Variants in CAMTA1 observed in about 807,000 individuals in gnomAD.
CAMTA1 encodes calmodulin-binding transcription activator 1.
In CAMTA1, 27 loss-of-function variants were observed where a neutral mutation model predicts 170.9. That is an observed-to-expected ratio of 0.16 (90% CI 0.12 to 0.22). The LOEUF (loss-of-function observed/expected upper bound fraction) is 0.22, where lower values mean the gene tolerates loss of function less well. CAMTA1 is among the 10% of genes least tolerant of loss of function. CAMTA1 has a pLI of 1.00. For missense variants in CAMTA1, 1,619 were observed against 2,217.2 expected (o/e 0.73, Z 5.42); for synonymous variants, 833 against 891.5 (o/e 0.93, Z 1.17).
At chr1:7,591,621 T>A (rs1446690741) in intron 6 of CAMTA1, among the ~76,000 whole-genome samples, 1 of 152,200 alleles carries the variant, frequency 6.6e-6, no homozygotes, top group East Asian at 1.9e-4. Context: ...GGAGGGTCAG[T>A]GGCCACTAGA....
chr1:7,699,281 T>A (rs1052419279), intron 11 of CAMTA1, among the ~76,000 whole-genome samples: 1 of 152,050 alleles, frequency 6.6e-6, no homozygotes, highest in Non-Finnish European at 1.5e-5. Flanking sequence ...TCCCCATTCC[T>A]CCTCAGCTCC....
intron 5 of CAMTA1, among the ~76,000 whole-genome samples, chr1:7,434,068 G>A (rs2092269341): frequency 6.6e-6 from 1 of 151,942 alleles, no homozygotes; most frequent in African/African-American, 2.4e-5. Flanking sequence ...CTCCTGGAGA[G>A]TCCCTCCCCC....
chr1:7,232,721 C>T (rs1198371977), intron 4 of CAMTA1, among the ~76,000 whole-genome samples: 1 of 152,120 alleles, frequency 6.6e-6, no homozygotes, highest in Non-Finnish European at 1.5e-5. Flanking sequence ...GTGGCAGCTA[C>T]TCTCCGCCCA....
intron 3 of CAMTA1, among the ~76,000 whole-genome samples, chr1:6,846,668 A>C (rs555911998): frequency 1.3e-5 from 2 of 152,264 alleles, no homozygotes; most frequent in Non-Finnish European, 2.9e-5. Context: ...AATAATAAAG[A>C]ATCATTAGTA....
intron 3 of CAMTA1, among the ~76,000 whole-genome samples, chr1:6,945,477 T>A (rs1687414718): frequency 6.6e-6 from 1 of 152,062 alleles, no homozygotes; most frequent in Admixed American, 6.6e-5. Flanking sequence ...GCCTCCCAAG[T>A]AGCTGGGACC....
At chr1:7,655,531 CATACACACTGAT>C (rs1169144638) in intron 7 of CAMTA1, among the ~76,000 whole-genome samples, 1 of 149,234 alleles carries the variant, frequency 6.7e-6, no homozygotes, top group Non-Finnish European at 1.5e-5. Context: ...CACCCACACA[CATACACACTGAT>C]ATGCACACCT....
chr1:7,640,230 G>A (rs1002926293), intron 6 of CAMTA1, among the ~76,000 whole-genome samples, 170 bp from the exon 7 acceptor site: 6 of 152,128 alleles, frequency 3.9e-5, no homozygotes, highest in Admixed American at 2.6e-4. Flanking sequence ...CACATGCGCC[G>A]GACAGCCCCC....
At chr1:7,122,736 C>T (rs1644717436) in intron 4 of CAMTA1, among the ~76,000 whole-genome samples, 1 of 152,134 alleles carries the variant, frequency 6.6e-6, no homozygotes, top group African/African-American at 2.4e-5. Flanking sequence ...TGCAAGGCCG[C>T]CCCACCCTGC....
Position 7,663,895 on chromosome 1 carries a change from T to A in CAMTA1, c.1348T>A (p.Ser450Thr), listed in dbSNP as rs746244933. ...GTTCGCCTTTCCCACCACGGGCAGC[T>A]CGGAGAGCCTGTCCATGCTGCCCAC... is the stretch of plus-strand genomic sequence containing the variant. ...HKFAFPTTGS[S>T]ESLSMLPTNV... Residue 450 changes from serine to threonine, a missense_variant, in exon 9 of 23, where the codon TCG becomes ACG. By Grantham distance (58) the Ser-to-Thr change is moderately conservative. Transcript: ENST00000303635. 5 of 1,613,906 alleles carry A rather than the reference T, an allele frequency of 3.1e-6. No homozygotes were observed. The South Asian group carries it at 5.5e-5, about 18-fold the overall frequency.
intron 12 of CAMTA1, among the ~76,000 whole-genome samples, chr1:7,733,225 A>G (rs1425501292): frequency 2.0e-5 from 3 of 152,090 alleles, no homozygotes; most frequent in African/African-American, 4.8e-5. Context: ...AGAAAAAAAA[A>G]GGCCAGATGG....
At chr1:7,062,333 A>C (rs2101767168) in intron 3 of CAMTA1, among the ~76,000 whole-genome samples, 1 of 152,334 alleles carries the variant, frequency 6.6e-6, no homozygotes, top group East Asian at 1.9e-4. Context: ...TTTAGGGTAA[A>C]TTATAAGGAA....
rs1030455812 is a variant in CAMTA1 at position 7,681,204 on chromosome 1, A to C, written c.2914+3471A>C. Reference sequence around the variant, plus strand: ...CAAAGGCCCTGTCTGCTGGACCCCCATCACTTAGCCCAGGGTTGGCACGTG... The same window carrying C: ...CAAAGGCCCTGTCTGCTGGACCCCCCTCACTTAGCCCAGGGTTGGCACGTG... On this transcript the variant is annotated intron_variant, in intron 11 of 22. Coordinates refer to ENST00000303635, the MANE Select transcript of CAMTA1 (RefSeq NM_015215.4). This position sits in a 1 kb window ranked among gnomAD's most constrained non-coding sequence, Gnocchi z 4.6. 5.9e-5 allele frequency among the ~76,000 whole-genome samples: 9 copies of C among 152,070 alleles called. No homozygotes were observed. Among genetic ancestry groups the C allele is most frequent in the African/African-American group, 2.2e-4 (9 of 41,428 alleles).
At chr1:7,744,393 A>G (rs1281084650) in intron 16 of CAMTA1, among the ~76,000 whole-genome samples, 1 of 152,180 alleles carries the variant, frequency 6.6e-6, no homozygotes, top group Admixed American at 6.5e-5. Flanking sequence ...CGGCCTCCCA[A>G]AGTGCTGGGA....
rs562340871 is a variant in CAMTA1, at chr1:7,373,238, C to T, written c.439-94592C>T. Among the ~76,000 whole-genome samples the T allele has an allele frequency of 2.5e-4, 38 of 152,164 alleles. 1 individual carries two copies. The highest frequency in any genetic ancestry group is 3.9e-4 in the African/African-American group (16 of 41,434). On this transcript the variant is annotated intron_variant, in intron 5 of 22. Transcript: ENST00000303635. The stretch of plus-strand genomic sequence containing the variant: ...GGAGTATTTCTACCCAGTAGTACCC[C>T]GTCTCTGCCAGTCGTGACTGCTAAG...
chr1:7,645,872 C>T (rs1438628461), intron 7 of CAMTA1, among the ~76,000 whole-genome samples: 2 of 152,264 alleles, frequency 1.3e-5, no homozygotes, highest in African/African-American at 4.8e-5. Context: ...TCCACAGGCA[C>T]GAGTGTGTGG....
chr1:7,207,758 G>T (rs774468251), intron 4 of CAMTA1, among the ~76,000 whole-genome samples: 3 of 152,046 alleles, frequency 2.0e-5, no homozygotes, highest in Non-Finnish European at 4.4e-5. Context: ...CTGGTATCTT[G>T]TGGATCCAAG....
intron 5 of CAMTA1, among the ~76,000 whole-genome samples, chr1:7,392,374 G>C (rs2088816621): frequency 6.6e-6 from 1 of 151,198 alleles, no homozygotes; most frequent in Non-Finnish European, 1.5e-5. Flanking sequence ...TCCTGCCTCA[G>C]CCTCAGGAGT....
chr1:7,561,867 G>A lies in CAMTA1; in HGVS notation c.511-78533G>A, dbSNP rs1291702120. On this transcript the variant is annotated intron_variant, in intron 6 of 22. Transcript: ENST00000303635. The surrounding 1 kb of genome is among the most constrained non-coding windows in gnomAD (Gnocchi z 5.3). ...TCCCTGCCTGCACGCCGGCCTGGAG[G>A]AGGAAGCCATCCTCGAGGCAGCCTT... Among the ~76,000 whole-genome samples the A allele has an allele frequency of 1.3e-5, 2 of 152,158 alleles. No homozygotes were observed. The highest frequency in any genetic ancestry group is 4.8e-5 in the African/African-American group (2 of 41,432).
At chr1:7,282,101 T>C (rs981014395) in intron 5 of CAMTA1, among the ~76,000 whole-genome samples, 1 of 152,158 alleles carries the variant, frequency 6.6e-6, no homozygotes, top group Non-Finnish European at 1.5e-5. Flanking sequence ...CACCTTCTTA[T>C]AGAAAGAGAG....
Sources: gnomAD v4.1 joint callset for allele counts (sites outside exome capture counted in the v4.1 genomes callset) on GRCh38, gnomAD v4.1.1 for gene constraint, Gnocchi (gnomAD v3.1) non-coding constraint, MANE v1.5 for transcripts, NCBI Gene and HGNC (gene_info 2026-07-23, HGNC 2026-07-21) for gene names.